The following ADARB2 variants were observed in gnomAD, a reference collection of about 807,000 sequenced individuals.
The protein encoded by ADARB2 is inactive double-stranded RNA-specific editase B2.
Under a neutral mutation model 62.2 loss-of-function variants are expected in ADARB2, and 25 were observed. That is an observed-to-expected ratio of 0.40 (90% CI 0.29 to 0.56). ADARB2 has a LOEUF of 0.56. Ranked by LOEUF, ADARB2 falls within the 20% of genes least tolerant of loss-of-function variation. The pLI is 0.43. For missense variants in ADARB2, 1,071 were observed against 1,077.4 expected (o/e 0.99, Z 0.08); for synonymous variants, 572 against 500.8 (o/e 1.14, Z -1.90).
chr10:1,510,096 T>TTTTCTTTCTCTC lies in ADARB2; in HGVS notation c.101-130937_101-130936insGAGAGAAAGAAA, dbSNP rs1831906736. On this transcript the variant is annotated intron_variant, in intron 1 of 9. Transcript: ENST00000381312. ...TTCTTTCTCTTTCTCTCTCTCTCTC[T>TTTTCTTTCTCTC]TTTCTTTCTTTCTCTCTTTCTTTCT... Among the ~76,000 whole-genome samples, 3 of 124,832 alleles carry TTTTCTTTCTCTC rather than the reference T, an allele frequency of 2.4e-5. No homozygotes were observed. In the East Asian group the frequency reaches 7.1e-4, roughly 29 times the overall value. The allele number at this position is 124,832 out of a possible 152,430, so 81.9% of individuals were successfully genotyped here.
intron 1 of ADARB2, among the ~76,000 whole-genome samples, chr10:1,673,757 C>A (rs921833063): frequency 6.6e-6 from 1 of 152,210 alleles, no homozygotes; most frequent in Non-Finnish European, 1.5e-5. Context: ...GGGCTGAGGC[C>A]GTGCAGCCAC....
intron 1 of ADARB2, among the ~76,000 whole-genome samples, chr10:1,485,377 AATAG>A (rs896995785): frequency 3.3e-5 from 5 of 152,226 alleles, no homozygotes; most frequent in East Asian, 1.9e-4. Flanking sequence ...TAAGTGCACT[AATAG>A]ATAGATCTCT....
At chr10:1,519,077 T>C (rs373002061) in intron 1 of ADARB2, among the ~76,000 whole-genome samples, 1 of 151,086 alleles carries the variant, frequency 6.6e-6, no homozygotes, top group African/African-American at 2.4e-5. Flanking sequence ...CATATGCATG[T>C]ATTCCATGTA....
At chr10:1,293,208 G>GAGGGAGGGAGAGAGGGAC (rs1554752370) in intron 3 of ADARB2, among the ~76,000 whole-genome samples, 37 of 105,764 alleles carry the variant, frequency 3.5e-4, no homozygotes, top group African/African-American at 2.0e-3. Flanking sequence ...AAAAAAGAGG[G>GAGGGAGGGAGAGAGGGAC]AGGGAGGGAG....
At chr10:1,690,266 C>A (rs1456552336) in intron 1 of ADARB2, among the ~76,000 whole-genome samples, 1 of 152,206 alleles carries the variant, frequency 6.6e-6, no homozygotes, top group Non-Finnish European at 1.5e-5. Context: ...GACACAGTAC[C>A]AGAAAGTATT....
At chr10:1,721,335 G>A (rs1029297961) in intron 1 of ADARB2, among the ~76,000 whole-genome samples, 3 of 152,230 alleles carry the variant, frequency 2.0e-5, no homozygotes, top group African/African-American at 7.2e-5. Context: ...GAATGTTGAC[G>A]TTGACATAAA....
intron 3 of ADARB2, among the ~76,000 whole-genome samples, chr10:1,348,814 G>A (rs1329209140): frequency 6.6e-6 from 1 of 152,190 alleles, no homozygotes; most frequent in African/African-American, 2.4e-5. Context: ...TGCACCCCAG[G>A]GCTGTCCCCT....
At chr10:1,600,862 C>T (rs1318741432) in intron 1 of ADARB2, among the ~76,000 whole-genome samples, 1 of 152,110 alleles carries the variant, frequency 6.6e-6, no homozygotes, top group Non-Finnish European at 1.5e-5. Context: ...TGCTAAATCC[C>T]TCCTCCCAGG....
chr10:1,399,826 G>A (rs1239356592), intron 1 of ADARB2, among the ~76,000 whole-genome samples: 1 of 152,172 alleles, frequency 6.6e-6, no homozygotes, highest in East Asian at 1.9e-4. Context: ...ATGAAACAAA[G>A]GGAAGAAAAC....
intron 1 of ADARB2, among the ~76,000 whole-genome samples, chr10:1,406,390 G>A (rs899809611): frequency 1.3e-5 from 2 of 152,200 alleles, no homozygotes; most frequent in Non-Finnish European, 2.9e-5. Flanking sequence ...TGTGGGCTCG[G>A]TACCCGGGAA....
chr10:1,228,814 C>T (rs759742420), intron 6 of ADARB2, among the ~76,000 whole-genome samples: 10 of 152,246 alleles, frequency 6.6e-5, no homozygotes, highest in Non-Finnish European at 2.9e-5. Context: ...TGCCTGGCCT[C>T]TGCAGACAGG....
chr10:1,203,294 C>T (rs943714971), intron 7 of ADARB2, among the ~76,000 whole-genome samples: 8 of 152,292 alleles, frequency 5.3e-5, no homozygotes, highest in African/African-American at 1.9e-4. Context: ...AACCTGCTCA[C>T]TGAGTCCAGG....
intron 8 of ADARB2, 128 bp downstream of exon 8, chr10:1,199,838 C>G: frequency 1.0e-6 from 1 of 996,726 alleles, no homozygotes; most frequent in Non-Finnish European, 1.4e-6. Context: ...TAGGACTTTG[C>G]CCATTAAATC....
At chr10:1,557,954 C>A (rs1033062718) in intron 1 of ADARB2, among the ~76,000 whole-genome samples, 3 of 121,496 alleles carry the variant, frequency 2.5e-5, no homozygotes, top group African/African-American at 9.4e-5. Flanking sequence ...AAACAAAATC[C>A]ATGTTCTTCC....
chr10:1,319,371 G>A (rs1392605712), intron 3 of ADARB2, among the ~76,000 whole-genome samples: 1 of 152,142 alleles, frequency 6.6e-6, no homozygotes. Context: ...TCCTGGGGGT[G>A]GGTGGAGAAG....
intron 1 of ADARB2, among the ~76,000 whole-genome samples, chr10:1,507,869 CCTT>C (rs1831871850): frequency 6.6e-6 from 1 of 152,180 alleles, no homozygotes; most frequent in Non-Finnish European, 1.5e-5. Context: ...ACCATGGTGC[CCTT>C]CTTGCCGTCT....
chr10:1,607,946 T>G (rs1175049588), intron 1 of ADARB2, among the ~76,000 whole-genome samples: 3 of 152,210 alleles, frequency 2.0e-5, no homozygotes, highest in Non-Finnish European at 4.4e-5. Flanking sequence ...CAGAGACTGC[T>G]GTCTACCCAT....
At chr10:1,248,241 C>A (rs540606543) in intron 4 of ADARB2, among the ~76,000 whole-genome samples, 2 of 150,494 alleles carry the variant, frequency 1.3e-5, no homozygotes, top group Admixed American at 1.3e-4. Flanking sequence ...CACTCCCAGG[C>A]GTGCAGGAGG....
chr10:1,632,566 T>C (rs1014170375), intron 1 of ADARB2, among the ~76,000 whole-genome samples: 2 of 152,220 alleles, frequency 1.3e-5, no homozygotes, highest in Admixed American at 1.3e-4. Context: ...GTTGTGGCCC[T>C]CACCCCAGAG....
Sources: gnomAD v4.1 joint callset for allele counts (sites outside exome capture counted in the v4.1 genomes callset) on GRCh38, gnomAD v4.1.1 for gene constraint, MANE v1.5 for transcripts, NCBI Gene and HGNC (gene_info 2026-07-23, HGNC 2026-07-21) for gene names.